PARD3B: variants seen among roughly 807,000 people sequenced by gnomAD.
PARD3B encodes the protein partitioning defective 3 homolog B.
Under a neutral mutation model 130.2 loss-of-function variants are expected in PARD3B, and 103 were observed. That is an observed-to-expected ratio of 0.79 (90% CI 0.67 to 0.93). The LOEUF is 0.93. Among genes scored for constraint, PARD3B ranks in the 40% least tolerant of loss-of-function variants. The pLI is 0.00. For synonymous variants in PARD3B, 583 were observed against 553.2 expected, an observed-to-expected ratio of 1.05 and a Z score of -0.76; for missense variants, 1,609 against 1,499.2, an observed-to-expected ratio of 1.07 and a Z score of -1.21.
chr2:204,613,359 G>A (rs12474673), intron 1 of PARD3B, among the ~76,000 whole-genome samples: 91,566 of 151,908 alleles, frequency 0.6, 31,194 homozygotes, highest in Non-Finnish European at 0.75. Flanking sequence ...TGCATTTTCC[G>A]CCTCCAGTTC....
Position 204,669,687 on chromosome 2 carries a change from G to T in PARD3B, c.121-16494G>T, listed in dbSNP as rs79134849. Among the ~76,000 whole-genome samples, 2,443 of 152,190 alleles carry T rather than the reference G, an allele frequency of 0.016. 29 individuals are homozygous for T. The highest frequency in any genetic ancestry group is 0.037 in the Middle Eastern group (11 of 294). On this transcript the variant is annotated intron_variant, in intron 1 of 22. Transcript: ENST00000406610. This position sits in a 1 kb window ranked among gnomAD's most constrained non-coding sequence, Gnocchi z 4.3. ...CTTTTGGAATCAAATTATAGAGAAA[G>T]TATGGTTATCATTACAGAAAAGAAT...
chr2:205,116,983 C>G lies in PARD3B; in HGVS notation c.681-1938C>G, dbSNP rs929185739. 1.1e-4 allele frequency among the ~76,000 whole-genome samples: 17 copies of G among 151,920 alleles called. No homozygotes were observed. Among genetic ancestry groups the G allele is most frequent in the African/African-American group, 3.9e-4 (16 of 41,368 alleles). ...ATCTCCCAAAATGTGAAATTAAATCCTAGGGAGTAACATTACATGACTGAT... is the reference window on the plus strand; with the variant it reads ...ATCTCCCAAAATGTGAAATTAAATCGTAGGGAGTAACATTACATGACTGAT... On this transcript the variant is annotated intron_variant, in intron 6 of 22. Transcript: ENST00000406610. The surrounding 1 kb of genome is among the most constrained non-coding windows in gnomAD (Gnocchi z 4.5).
intron 2 of PARD3B, among the ~76,000 whole-genome samples, chr2:204,719,382 A>G (rs1017342898): frequency 6.6e-6 from 1 of 152,242 alleles, no homozygotes; most frequent in African/African-American, 2.4e-5. Flanking sequence ...CATTTTTAAA[A>G]TTAAAGTTGA....
Position 205,128,668 on chromosome 2 carries a change from T to A in PARD3B, c.1434+2931T>A, listed in dbSNP as rs550797811. Among the ~76,000 whole-genome samples, 1 of 152,310 alleles carries A rather than the reference T, an allele frequency of 6.6e-6. No homozygotes were observed. Among genetic ancestry groups the A allele is most frequent in the East Asian group, 1.9e-4 (1 of 5,186 alleles). ...CTAATTGTAAGTTCTCAAAATACGT[T>A]AGCTATAATTTTTTTTTCTAATACA... On this transcript the variant is annotated intron_variant, in intron 10 of 22. Coordinates refer to ENST00000406610, the MANE Select transcript of PARD3B (RefSeq NM_001302769.2). The surrounding 1 kb of genome is among the most constrained non-coding windows in gnomAD (Gnocchi z 4.5).
rs1000015648 is a variant in PARD3B, at chr2:205,241,168, C to T, written c.2141-4610C>T. ...CATAGGCCATCAGGCTGCTGTTTCT[C>T]AAACAAGTCTTCCTGAATCAGAGAA... is the stretch of plus-strand genomic sequence containing the variant. On this transcript the variant is annotated intron_variant, in intron 15 of 22. Coordinates refer to ENST00000406610, the MANE Select transcript of PARD3B (RefSeq NM_001302769.2). This position sits in a 1 kb window ranked among gnomAD's most constrained non-coding sequence, Gnocchi z 4.2. Among the ~76,000 whole-genome samples the T allele has an allele frequency of 6.6e-6, 1 of 152,146 alleles. No homozygotes were observed. The highest frequency in any genetic ancestry group is 2.4e-5 in the African/African-American group (1 of 41,450).
Position 205,463,370 on chromosome 2 carries a change from T to G in PARD3B, c.3044+22698T>G, listed in dbSNP as rs2048515268. On this transcript the variant is annotated intron_variant, in intron 20 of 22. Transcript: ENST00000406610. The surrounding 1 kb of genome is among the most constrained non-coding windows in gnomAD (Gnocchi z 4.8). ...GAGTAGCCATGGCCTGGCCAGGCAC[T>G]GCCTTGCGGCCCTTCCAAAGGTGGC... is the stretch of plus-strand genomic sequence containing the variant. Among the ~76,000 whole-genome samples, 1 of 151,378 alleles carries G rather than the reference T, an allele frequency of 6.6e-6. No homozygotes were observed. The highest frequency in any genetic ancestry group is 1.5e-5 in the Non-Finnish European group (1 of 67,966).
intron 18 of PARD3B, among the ~76,000 whole-genome samples, chr2:205,385,478 A>G (rs1002144898): frequency 6.6e-6 from 1 of 152,176 alleles, no homozygotes; most frequent in Non-Finnish European, 1.5e-5. Flanking sequence ...TAATTTATAA[A>G]TTCCTATAGA....
chr2:204,898,006 G>T (rs1003621441), intron 2 of PARD3B, among the ~76,000 whole-genome samples: 10 of 151,794 alleles, frequency 6.6e-5, no homozygotes, highest in East Asian at 1.9e-4. Flanking sequence ...ATAATGAAAA[G>T]CTCTGAAGGT....
intron 2 of PARD3B, among the ~76,000 whole-genome samples, chr2:204,893,885 T>A (rs959461825): frequency 2.6e-5 from 4 of 152,122 alleles, no homozygotes; most frequent in Non-Finnish European, 5.9e-5. Context: ...ATTATATTAT[T>A]AATTCAAAGT....
chr2:205,222,215 T>C (rs1161856579), intron 15 of PARD3B, among the ~76,000 whole-genome samples: 1 of 151,860 alleles, frequency 6.6e-6, no homozygotes, highest in Non-Finnish European at 1.5e-5. Context: ...CTGTTTCATA[T>C]AGGTTGGTAT....
At chr2:205,533,684 C>T (rs75835407) in intron 21 of PARD3B, among the ~76,000 whole-genome samples, 2,333 of 152,170 alleles carry the variant, frequency 0.015, 96 homozygotes, top group East Asian at 0.12. Flanking sequence ...ACTAAACTTA[C>T]AAAAAGACAT....
Position 204,661,307 on chromosome 2 carries a change from G to A in PARD3B, c.121-24874G>A, listed in dbSNP as rs148602314. On this transcript the variant is annotated intron_variant, in intron 1 of 22. Transcript: ENST00000406610. ...TGAATCCACAAGGCTGGTGTTAACG[G>A]TTTTTCCCTTCCCCTTTGCTTGTGT... Among the ~76,000 whole-genome samples, 36 of 152,294 alleles carry A rather than the reference G, an allele frequency of 2.4e-4. 1 individual carries two copies. The East Asian group carries it at 6.9e-3, about 29-fold the overall frequency.
chr2:205,551,207 A>G (rs2052630650), intron 21 of PARD3B, among the ~76,000 whole-genome samples: 1 of 151,830 alleles, frequency 6.6e-6, no homozygotes, highest in African/African-American at 2.4e-5. Flanking sequence ...GTGATTTTCC[A>G]ACAATCACAA....
At chr2:204,611,025 G>A (rs983511104) in intron 1 of PARD3B, among the ~76,000 whole-genome samples, 2 of 152,114 alleles carry the variant, frequency 1.3e-5, no homozygotes, top group Non-Finnish European at 2.9e-5. Context: ...GAATTGAGTA[G>A]CACTTTTTTT....
At chr2:205,462,528 G>A (rs753118308) in intron 20 of PARD3B, among the ~76,000 whole-genome samples, 10 of 152,286 alleles carry the variant, frequency 6.6e-5, no homozygotes, top group Middle Eastern at 6.8e-3. Flanking sequence ...CTGCACCTCA[G>A]TTCACATTGT....
chr2:205,113,647 A>C, intron 6 of PARD3B, 70 bp downstream of exon 6: 1 of 1,140,582 alleles, frequency 8.8e-7, no homozygotes, highest in Non-Finnish European at 1.3e-6. Flanking sequence ...TTTCCCAAAT[A>C]TTTTTCACAA....
chr2:205,541,347 G>GTT (rs34760169), intron 21 of PARD3B, among the ~76,000 whole-genome samples: 6,579 of 122,016 alleles, frequency 0.054, 314 homozygotes, highest in South Asian at 0.12. Flanking sequence ...CAGAAACTTT[G>GTT]TTTTTTTTTT....
At position 205,124,410 on chromosome 2, in the gene PARD3B, C is replaced by T. The variant is rs2125628946; in HGVS notation, c.1249C>T (p.Pro417Ser). Residue 417 changes from proline to serine, a missense_variant, in exon 9 of 23, where the codon CCA becomes TCA. Coordinates refer to ENST00000406610, the MANE Select transcript of PARD3B (RefSeq NM_001302769.2). ...TCCCATTTTTGTAAAAAACATTTTACCAAAGGGAGCAGCAATAAAAGATGG... is the reference window on the plus strand; with the variant it reads ...TCCCATTTTTGTAAAAAACATTTTATCAAAGGGAGCAGCAATAAAAGATGG... ...PGPIFVKNILPKGAAIKDGRL... is the reference protein window; with the variant it reads ...PGPIFVKNILSKGAAIKDGRL... 3 of 1,605,488 alleles carry T rather than the reference C, an allele frequency of 1.9e-6. No individual in the cohort carries two copies. Among genetic ancestry groups the T allele is most frequent in the East Asian group, 2.2e-5 (1 of 44,464 alleles).
chr2:205,402,875 G>A (rs2046300096), intron 19 of PARD3B, among the ~76,000 whole-genome samples: 1 of 152,214 alleles, frequency 6.6e-6, no homozygotes, highest in Admixed American at 6.5e-5. Flanking sequence ...AGAGGAAGAA[G>A]TTGAGGAGTT....
Sources: allele counts gnomAD v4.1 joint callset (sites outside exome capture counted in the v4.1 genomes callset), GRCh38; gene constraint gnomAD v4.1.1; non-coding constraint Gnocchi (gnomAD v3.1); transcripts MANE v1.5; gene names NCBI Gene and HGNC (gene_info 2026-07-23, HGNC 2026-07-21).